Variants in LRCH3 observed in about 807,000 individuals in gnomAD.
The protein encoded by LRCH3 is leucine rich repeats and calponin homology domain containing 3.
A neutral mutation model predicts 104.5 loss-of-function variants in LRCH3; 68 were observed. The ratio of observed to expected loss-of-function variants is 0.65; its 90% CI spans 0.54 to 0.80. The LOEUF (loss-of-function observed/expected upper bound fraction) is 0.80. Ranked by LOEUF, LRCH3 falls within the 30% of genes least tolerant of loss-of-function variation. The pLI, the probability that LRCH3 is intolerant of heterozygous loss-of-function variation, is 0.00. For missense variants in LRCH3, 951 were observed against 953.9 expected (o/e 1.00, Z 0.04); for synonymous variants, 344 against 361.3 (o/e 0.95, Z 0.54).
rs1732981789 is a variant in LRCH3, at chr3:197,810,324, T to C, written c.263-4584T>C. Among the ~76,000 whole-genome samples the C allele has an allele frequency of 6.6e-6, 1 of 152,144 alleles. No homozygotes were observed. The highest frequency in any genetic ancestry group is 1.5e-5 in the Non-Finnish European group (1 of 68,026). On this transcript the variant is annotated intron_variant, in intron 1 of 20. Transcript: ENST00000425562. The surrounding 1 kb of genome is among the most constrained non-coding windows in gnomAD (Gnocchi z 4.0). ...GGTGCTCACGACCATGCCCAGCTTATTTTTGTATTTTAGAAATGGGGTTTC... is the reference window on the plus strand; with the variant it reads ...GGTGCTCACGACCATGCCCAGCTTACTTTTGTATTTTAGAAATGGGGTTTC...
chr3:197,858,332 T>C (rs560663673), intron 14 of LRCH3, among the ~76,000 whole-genome samples: 11 of 152,298 alleles, frequency 7.2e-5, no homozygotes, highest in Middle Eastern at 6.8e-3. Flanking sequence ...TCCCCTCTTA[T>C]AGTCATTAGG....
intron 1 of LRCH3, among the ~76,000 whole-genome samples, chr3:197,808,717 A>T (rs906509640): frequency 6.6e-6 from 1 of 151,866 alleles, no homozygotes; most frequent in African/African-American, 2.4e-5. Context: ...TTTCAAGACC[A>T]GCCTGGGCAA....
chr3:197,837,789 G>A (rs936653216), intron 9 of LRCH3, among the ~76,000 whole-genome samples: 4 of 152,038 alleles, frequency 2.6e-5, no homozygotes, highest in African/African-American at 9.7e-5. Context: ...GCTCACACCT[G>A]TAATCCCAGC....
At position 197,881,694 on chromosome 3, in the gene LRCH3, T is replaced by C. The variant is rs1318393908; in HGVS notation, c.2209-1847T>C. ...GGAAACTATAATTGCGGTTAGATTC[T>C]AGTTTCATAAGTGGTGTTTCTGAAT... On this transcript the variant is annotated intron_variant, in intron 20 of 20. Transcript: ENST00000425562. 6 of 985,332 alleles carry C rather than the reference T, an allele frequency of 6.1e-6. No homozygotes were observed. In the African/African-American group the frequency reaches 1.0e-4, roughly 17 times the overall value. 61.0% of individuals were successfully genotyped at this position (985,332 alleles called of 1,614,324 possible).
At chr3:197,815,973 A>T (rs1255361040) in intron 2 of LRCH3, among the ~76,000 whole-genome samples, 1 of 152,284 alleles carries the variant, frequency 6.6e-6, no homozygotes, top group East Asian at 1.9e-4. Flanking sequence ...CTATTTTTGT[A>T]TGTAATTATT....
intron 1 of LRCH3, among the ~76,000 whole-genome samples, chr3:197,795,958 T>C (rs754596758): frequency 6.6e-6 from 1 of 152,090 alleles, no homozygotes; most frequent in Non-Finnish European, 1.5e-5. Context: ...CTCAAAGTGC[T>C]GGGATTACAG....
At chr3:197,852,115 GTTA>G (rs1369489424) in intron 12 of LRCH3, among the ~76,000 whole-genome samples, 3 of 152,160 alleles carry the variant, frequency 2.0e-5, no homozygotes, top group African/African-American at 7.2e-5. Flanking sequence ...ATGCTATAAT[GTTA>G]TTATTAGATT....
chr3:197,854,537 T>G lies in LRCH3; in HGVS notation c.1644+92T>G. ...ACTATCTAAATACCATAAAACATGA[T>G]GAACATCATTACTAAATGCTTTATG... On this transcript the variant is annotated intron_variant, in intron 14 of 20. Coordinates refer to ENST00000425562, the MANE Select transcript of LRCH3 (RefSeq NM_001365715.1). This position sits in a 1 kb window ranked among gnomAD's most constrained non-coding sequence, Gnocchi z 4.5. 8.6e-7 allele frequency: 1 copy of G among 1,164,172 alleles called. No homozygotes were observed. Among genetic ancestry groups the G allele is most frequent in the South Asian group, 1.2e-5 (1 of 81,586 alleles). 72.1% of individuals were successfully genotyped at this position (1,164,172 alleles called of 1,614,324 possible).
At chr3:197,792,577 T>TTATATATATATATATATATATATA (rs11420466) in intron 1 of LRCH3, among the ~76,000 whole-genome samples, 223 of 20,100 alleles carry the variant, frequency 0.011, 4 homozygotes, top group Non-Finnish European at 0.014. Flanking sequence ...CCAGCTAATT[T>TTATATATATATATATATATATATA]TATATATATA....
intron 1 of LRCH3, among the ~76,000 whole-genome samples, chr3:197,806,793 C>T (rs994641950): frequency 6.6e-6 from 1 of 151,338 alleles, no homozygotes; most frequent in Non-Finnish European, 1.5e-5. Context: ...CTCAAGTGAT[C>T]CACCCGCCTC....
At chr3:197,792,604 TA>T (rs1181043551) in intron 1 of LRCH3, among the ~76,000 whole-genome samples, 16 of 58,520 alleles carry the variant, frequency 2.7e-4, no homozygotes, top group South Asian at 6.4e-4. Flanking sequence ...TATATATATA[TA>T]AAATATACAT....
intron 4 of LRCH3, chr3:197,822,804 G>T (rs1018210142): frequency 6.7e-6 from 1 of 149,938 alleles, no homozygotes. Context: ...AAAATATTAA[G>T]AATCTTTTTT....
rs1475040329 is a variant in LRCH3, at chr3:197,812,763, T to C, written c.263-2145T>C. Among the ~76,000 whole-genome samples, 4 of 152,246 alleles carry C rather than the reference T, an allele frequency of 2.6e-5. No homozygotes were observed. The East Asian group carries it at 7.7e-4, about 29-fold the overall frequency. ...TTTTTGTGGAGACGGGGTTTCGCCA[T>C]GTTGGCCAGGCTGGTCTCGAACTCC... On this transcript the variant is annotated intron_variant, in intron 1 of 20. Coordinates refer to ENST00000425562, the MANE Select transcript of LRCH3 (RefSeq NM_001365715.1).
chr3:197,839,433 C>G lies in LRCH3; in HGVS notation c.1328+36C>G, dbSNP rs780791291. 1.6e-5 allele frequency: 22 copies of G among 1,355,608 alleles called. No homozygotes were observed. The East Asian group carries it at 5.2e-4, about 32-fold the overall frequency. 84.0% of individuals were successfully genotyped at this position (1,355,608 alleles called of 1,614,324 possible). ...CCAATTCTACTTAATTTGTTTCTGTCTTAATCATGAGAGCATAAAGTAATT... is the reference window on the plus strand; with the variant it reads ...CCAATTCTACTTAATTTGTTTCTGTGTTAATCATGAGAGCATAAAGTAATT... On this transcript the variant is annotated intron_variant, in intron 10 of 20. Coordinates refer to ENST00000425562, the MANE Select transcript of LRCH3 (RefSeq NM_001365715.1).
Position 197,885,462 on chromosome 3 carries a change from T to C in LRCH3, c.*1796T>C, listed in dbSNP as rs1714121460. The C allele has an allele frequency of 6.6e-6, 1 of 152,020 alleles. No homozygotes were observed. 9.4% of individuals were successfully genotyped at this position (152,020 alleles called of 1,614,324 possible). A position where few individuals can be genotyped will look rare whatever the true frequency, so the allele number is the denominator to read the frequency against. Reference sequence around the variant, plus strand: ...CCCGTCTCTACTAAAAATACAAAATTAGCTGGGCGTGGTGGTGCATGCCTG... The same window carrying C: ...CCCGTCTCTACTAAAAATACAAAATCAGCTGGGCGTGGTGGTGCATGCCTG... On this transcript the variant is annotated 3_prime_UTR_variant, in exon 21 of 21. Coordinates refer to ENST00000425562, the MANE Select transcript of LRCH3 (RefSeq NM_001365715.1).
intron 10 of LRCH3, among the ~76,000 whole-genome samples, chr3:197,843,971 T>C (rs1204018550): frequency 2.0e-5 from 3 of 152,114 alleles, no homozygotes; most frequent in African/African-American, 7.2e-5. Flanking sequence ...CTAGGTGCTA[T>C]GAAGAAAAAT....
At chr3:197,803,470 G>A (rs1013912857) in intron 1 of LRCH3, among the ~76,000 whole-genome samples, 1 of 152,152 alleles carries the variant, frequency 6.6e-6, no homozygotes, top group Non-Finnish European at 1.5e-5. Flanking sequence ...ACTAGGTGCA[G>A]GTAGTTAAGA....
rs34476668 is a variant in LRCH3, at chr3:197,886,804, C to CAAAAAAAA, written c.*3152_*3159dup. 8.6e-4 allele frequency: 65 copies of CAAAAAAAA among 75,846 alleles called. No individual in the cohort carries two copies. The highest frequency in any genetic ancestry group is 2.6e-3 in the African/African-American group (62 of 24,304). The allele number at this position is 75,846 out of a possible 1,614,324, so 4.7% of individuals were successfully genotyped here. On this transcript the variant is annotated 3_prime_UTR_variant, in exon 21 of 21. Transcript: ENST00000425562. ...TGGGCAACAGAGCGAGACTCTGTCT[C>CAAAAAAAA]AAAAAAAAAAAAAAAAAAAAACCCA...
At position 197,791,269 on chromosome 3, in the gene LRCH3, C is replaced by A; in HGVS notation, c.-10C>A. 6 of 1,608,184 alleles carry A rather than the reference C, an allele frequency of 3.7e-6. No homozygotes were observed. The highest frequency in any genetic ancestry group is 5.1e-6 in the Non-Finnish European group (6 of 1,178,482). On this transcript the variant is annotated 5_prime_UTR_variant, in exon 1 of 21. Transcript: ENST00000425562. ...CTGAGCTGGCGGGCCCGAGTGTTGT[C>A]GGCTGGGAAATGGCGGCCGCGGGCT...
Sources: gnomAD v4.1 joint callset for allele counts (sites outside exome capture counted in the v4.1 genomes callset) on GRCh38, gnomAD v4.1.1 for gene constraint, Gnocchi (gnomAD v3.1) non-coding constraint, MANE v1.5 for transcripts, NCBI Gene and HGNC (gene_info 2026-07-23, HGNC 2026-07-21) for gene names.